Variants in TAFA1 observed in about 807,000 individuals in gnomAD.
The protein encoded by TAFA1 is TAFA chemokine like family member 1.
A neutral mutation model predicts 18.5 loss-of-function variants in TAFA1; 4 were observed. The ratio of observed to expected loss-of-function variants is 0.22; its 90% confidence interval spans 0.11 to 0.49. The LOEUF is 0.49. Ranked by LOEUF, TAFA1 falls within the 20% of genes least tolerant of loss-of-function variation. TAFA1 has a pLI of 0.98. For synonymous variants in TAFA1, 56 were observed against 55.2 expected (o/e 1.01, Z -0.06); for missense variants, 147 against 169.0 (o/e 0.87, Z 0.72).
chr3:68,146,981 CA>C (rs2065748728), intron 2 of TAFA1, among the ~76,000 whole-genome samples: 1 of 151,096 alleles, frequency 6.6e-6, no homozygotes, highest in African/African-American at 2.4e-5. Context: ...AAAGAGAGAA[CA>C]AGGACTTTAA....
intron 3 of TAFA1, among the ~76,000 whole-genome samples, chr3:68,447,630 T>A (rs2071493784): frequency 6.6e-6 from 1 of 152,174 alleles, no homozygotes; most frequent in Admixed American, 6.5e-5. Flanking sequence ...TTGAAAATTT[T>A]AAAAAATATA....
At chr3:68,528,357 G>C (rs2073137446) in intron 3 of TAFA1, among the ~76,000 whole-genome samples, 1 of 152,064 alleles carries the variant, frequency 6.6e-6, no homozygotes, top group African/African-American at 2.4e-5. Flanking sequence ...TCAAACCCAG[G>C]TCCCTCTATC....
intron 2 of TAFA1, among the ~76,000 whole-genome samples, chr3:68,365,724 GAAAGGCAC>G (rs1162604091): frequency 2.6e-5 from 4 of 152,142 alleles, no homozygotes; most frequent in African/African-American, 9.7e-5. Flanking sequence ...GGTGGAAGGT[GAAAGGCAC>G]ATAATACATG....
At chr3:68,466,543 C>T (rs532680325) in intron 3 of TAFA1, among the ~76,000 whole-genome samples, 21 of 152,142 alleles carry the variant, frequency 1.4e-4, no homozygotes, top group Non-Finnish European at 2.5e-4. Flanking sequence ...TTGAAGTACT[C>T]GGTCCTGTAT....
chr3:68,533,524 A>T (rs1280071233), intron 3 of TAFA1, among the ~76,000 whole-genome samples: 1 of 152,230 alleles, frequency 6.6e-6, no homozygotes, highest in Admixed American at 6.5e-5. Flanking sequence ...AGTGATCACT[A>T]AATCTACATG....
At chr3:68,316,985 T>A (rs2068615641) in intron 2 of TAFA1, among the ~76,000 whole-genome samples, 2 of 152,224 alleles carry the variant, frequency 1.3e-5, no homozygotes, top group South Asian at 2.1e-4. Flanking sequence ...CATTCATTTT[T>A]TTGATAGCAG....
chr3:68,413,984 A>G (rs547694578), intron 2 of TAFA1, among the ~76,000 whole-genome samples: 1 of 152,176 alleles, frequency 6.6e-6, no homozygotes, highest in South Asian at 2.1e-4. Context: ...ACCAGTGTCC[A>G]TGGAGGAAAG....
At chr3:68,301,150 C>T (rs2068297317) in intron 2 of TAFA1, among the ~76,000 whole-genome samples, 1 of 152,094 alleles carries the variant, frequency 6.6e-6, no homozygotes, top group Non-Finnish European at 1.5e-5. Flanking sequence ...TAACCCCACC[C>T]CCAATTTATA....
At chr3:68,043,815 C>T (rs958765800) in intron 2 of TAFA1, among the ~76,000 whole-genome samples, 6 of 151,962 alleles carry the variant, frequency 3.9e-5, no homozygotes, top group African/African-American at 1.2e-4. Context: ...ATGTAGGAGT[C>T]TTCAAGAAAA....
chr3:68,502,046 G>A (rs1409947035), intron 3 of TAFA1, among the ~76,000 whole-genome samples: 1 of 152,132 alleles, frequency 6.6e-6, no homozygotes, highest in African/African-American at 2.4e-5. Flanking sequence ...TTAGTACATG[G>A]AAATTCTTTA....
At chr3:68,123,147 C>T (rs2065421491) in intron 2 of TAFA1, among the ~76,000 whole-genome samples, 1 of 152,038 alleles carries the variant, frequency 6.6e-6, no homozygotes, top group Admixed American at 6.6e-5. Context: ...GATGACACTC[C>T]ATCAAGCTCC....
At chr3:68,230,630 T>A (rs2107114605) in intron 2 of TAFA1, among the ~76,000 whole-genome samples, 1 of 152,342 alleles carries the variant, frequency 6.6e-6, no homozygotes, top group Middle Eastern at 3.4e-3. Context: ...CCTTTGGATA[T>A]ACAATGAGCA....
intron 3 of TAFA1, among the ~76,000 whole-genome samples, chr3:68,532,992 T>C (rs1353460173): frequency 6.6e-6 from 1 of 151,266 alleles, no homozygotes; most frequent in Non-Finnish European, 1.5e-5. Flanking sequence ...GAGACACCAG[T>C]CACCATAGGA....
chr3:67,997,519 A>C, the TAFA1 span, among the ~76,000 whole-genome samples: 1 of 152,164 alleles, frequency 6.6e-6, no homozygotes, highest in South Asian at 2.1e-4. Flanking sequence ...ATATATTGCT[A>C]TTTTCCTGTG....
At chr3:68,537,144 T>G (rs1647080959) in intron 3 of TAFA1, among the ~76,000 whole-genome samples, 1 of 152,136 alleles carries the variant, frequency 6.6e-6, no homozygotes, top group Admixed American at 6.6e-5. Flanking sequence ...TAGTGCAAGA[T>G]CTGTGCTCTA....
At chr3:68,136,531 C>T (rs1426574280) in intron 2 of TAFA1, among the ~76,000 whole-genome samples, 2 of 152,124 alleles carry the variant, frequency 1.3e-5, no homozygotes, top group Admixed American at 1.3e-4. Flanking sequence ...GCCACTGTTC[C>T]GTAGTGACTG....
intron 3 of TAFA1, among the ~76,000 whole-genome samples, chr3:68,433,718 C>T (rs1024462947): frequency 6.6e-6 from 1 of 152,026 alleles, no homozygotes; most frequent in African/African-American, 2.4e-5. Flanking sequence ...TTTAAGTTCC[C>T]AAATCTGAAA....
At chr3:68,226,662 T>G (rs1257260161) in intron 2 of TAFA1, among the ~76,000 whole-genome samples, 2 of 152,208 alleles carry the variant, frequency 1.3e-5, no homozygotes, top group African/African-American at 4.8e-5. Flanking sequence ...CAAGGTACTT[T>G]CATGTATATT....
chr3:68,269,816 G>T (rs546543578), intron 2 of TAFA1, among the ~76,000 whole-genome samples: 3 of 152,134 alleles, frequency 2.0e-5, no homozygotes, highest in African/African-American at 7.2e-5. Context: ...CAGTTTTAAT[G>T]CACAGCAACC....
Sources: gnomAD v4.1 joint callset for allele counts (sites outside exome capture counted in the v4.1 genomes callset) on GRCh38, gnomAD v4.1.1 for gene constraint, MANE v1.5 for transcripts, NCBI Gene and HGNC (gene_info 2026-07-23, HGNC 2026-07-21) for gene names.